SCUBE1: variants seen among roughly 807,000 people sequenced by gnomAD.
SCUBE1 encodes the protein signal peptide, CUB domain and EGF like domain containing 1.
SCUBE1 carries 59 observed loss-of-function variants against 124.4 expected under a neutral mutation model. That is an observed-to-expected ratio of 0.47 (90% CI 0.38 to 0.59). The LOEUF (loss-of-function observed/expected upper bound fraction) is 0.59. SCUBE1 is among the 20% of genes least tolerant of loss of function. The probability of loss-of-function intolerance (pLI) is 0.00; values close to 1 mark genes in which losing one functional copy is unlikely to be tolerated. For missense variants in SCUBE1, 1,150 were observed against 1,371.2 expected (o/e 0.84, Z 2.55); for synonymous variants, 545 against 550.9 (o/e 0.99, Z 0.15).
intron 21 of SCUBE1, among the ~76,000 whole-genome samples, chr22:43,205,700 C>CCA (rs71879601): frequency 0.013 from 1,299 of 99,790 alleles, 60 homozygotes; most frequent in South Asian, 0.022. Context: ...CCCACACACA[C>CCA]CACCCACTCA....
intron 11 of SCUBE1, 73 bp downstream of exon 11, chr22:43,223,024 G>A: frequency 3.4e-6 from 5 of 1,484,992 alleles, no homozygotes; most frequent in Non-Finnish European, 4.5e-6. Flanking sequence ...AGGACAGCTG[G>A]GAGCAATGGT....
At chr22:43,242,749 C>A (rs1170843866) in intron 6 of SCUBE1, among the ~76,000 whole-genome samples, 1 of 152,202 alleles carries the variant, frequency 6.6e-6, no homozygotes, top group African/African-American at 2.4e-5. Context: ...TCTCTCTGTC[C>A]CCAGCCTGTA....
At chr22:43,320,488 C>T (rs990267278) in intron 2 of SCUBE1, among the ~76,000 whole-genome samples, 4 of 152,378 alleles carry the variant, frequency 2.6e-5, no homozygotes, top group Non-Finnish European at 1.5e-5. Flanking sequence ...ATAACAAAGG[C>T]TCCTGTCTCA....
At chr22:43,280,573 C>T (rs925924390) in intron 4 of SCUBE1, among the ~76,000 whole-genome samples, 8 of 150,418 alleles carry the variant, frequency 5.3e-5, no homozygotes, top group African/African-American at 2.0e-4. Flanking sequence ...TCCTGCTGTC[C>T]CTTCCCCCTG....
intron 4 of SCUBE1, among the ~76,000 whole-genome samples, chr22:43,267,468 AAC>A (rs1924117130): frequency 6.6e-6 from 1 of 152,166 alleles, no homozygotes; most frequent in Non-Finnish European, 1.5e-5. Flanking sequence ...GTGTGCTAGA[AAC>A]ACAGCGCTTC....
rs1925632309 is a variant in SCUBE1 at position 43,298,106 on chromosome 22, CGG to C, written c.350-6928_350-6927del. On this transcript the variant is annotated intron_variant, in intron 3 of 21. Coordinates refer to ENST00000360835, the MANE Select transcript of SCUBE1 (RefSeq NM_173050.5). ...GCAGAAAAGCCTCTTGGCTATCTAG[CGG>C]CTCTTGCAAAATTGCATTTGATGAG... Among the ~76,000 whole-genome samples the C allele has an allele frequency of 3.3e-5, 5 of 152,236 alleles. No individual in the cohort carries two copies. In the South Asian group the frequency reaches 8.3e-4, roughly 25 times the overall value.
chr22:43,305,331 G>A (rs1333844724), intron 3 of SCUBE1, among the ~76,000 whole-genome samples: 3 of 152,180 alleles, frequency 2.0e-5, no homozygotes, highest in Admixed American at 6.5e-5. Context: ...ATTATTGCAC[G>A]TGTGGCTGAT....
chr22:43,247,525 T>C (rs1923264178), intron 6 of SCUBE1, among the ~76,000 whole-genome samples: 1 of 152,244 alleles, frequency 6.6e-6, no homozygotes, highest in South Asian at 2.1e-4. Flanking sequence ...ACCACCCACC[T>C]TCCTTGGGTC....
At chr22:43,220,719 A>T in intron 13 of SCUBE1, 132 bp from the exon 14 acceptor site, 1 of 1,214,232 alleles carries the variant, frequency 8.2e-7, no homozygotes, top group Admixed American at 2.5e-5. Context: ...CTCAGGCTAG[A>T]GAAGGTCAGG....
intron 3 of SCUBE1, among the ~76,000 whole-genome samples, chr22:43,295,954 G>A (rs1348951788): frequency 6.6e-6 from 1 of 152,142 alleles, no homozygotes; most frequent in South Asian, 2.1e-4. Context: ...AGGAGGCGGA[G>A]GTGTTCTGAA....
chr22:43,336,539 C>T (rs1927087100), intron 2 of SCUBE1, among the ~76,000 whole-genome samples: 1 of 152,338 alleles, frequency 6.6e-6, no homozygotes, highest in Middle Eastern at 3.4e-3. Context: ...GAGGAGCTCA[C>T]TGGGAGCTCC....
chr22:43,306,777 G>A (rs1925984511), intron 3 of SCUBE1, among the ~76,000 whole-genome samples: 1 of 152,194 alleles, frequency 6.6e-6, no homozygotes, highest in African/African-American at 2.4e-5. Flanking sequence ...TAGGAAGGGA[G>A]TGGGAGTCAA....
chr22:43,286,443 A>G (rs2146746283), intron 4 of SCUBE1, among the ~76,000 whole-genome samples: 1 of 152,384 alleles, frequency 6.6e-6, no homozygotes, highest in South Asian at 2.1e-4. Context: ...ATGAGGCTTC[A>G]GAGCAGAGCC....
At chr22:43,207,337 C>A (rs1194858316) in intron 21 of SCUBE1, among the ~76,000 whole-genome samples, 197 bp downstream of exon 21, 1 of 152,184 alleles carries the variant, frequency 6.6e-6, no homozygotes, top group African/African-American at 2.4e-5. Flanking sequence ...CTCAGGCCTC[C>A]TGGTCTGGAG....
chr22:43,262,585 A>C, intron 5 of SCUBE1, 135 bp downstream of exon 5: 2 of 1,025,060 alleles, frequency 2.0e-6, no homozygotes, highest in East Asian at 4.9e-5. Flanking sequence ...CCCCTTCCAC[A>C]GGCCCTGCCC....
intron 2 of SCUBE1, among the ~76,000 whole-genome samples, chr22:43,336,398 A>T (rs1927081255): frequency 6.6e-6 from 1 of 152,184 alleles, no homozygotes; most frequent in South Asian, 2.1e-4. Context: ...CAGGTTGCTC[A>T]TCTAATGTGA....
intron 2 of SCUBE1, among the ~76,000 whole-genome samples, chr22:43,334,042 C>A (rs866910664): frequency 6.6e-6 from 1 of 152,214 alleles, no homozygotes; most frequent in Non-Finnish European, 1.5e-5. Flanking sequence ...TCAGTGAGAT[C>A]TGCAGGACAG....
At position 43,339,089 on chromosome 22, in the gene SCUBE1, C is replaced by T. The variant is rs1397413279; in HGVS notation, c.220+15G>A. On this transcript the variant is annotated intron_variant, in intron 2 of 21. Transcript: ENST00000360835. ...CAGCCTCAGGGTCTGCCCGGGAGGG[C>T]CGGGCTGGACTCACCTTCACACTGC... 5 of 1,612,892 alleles carry T rather than the reference C, an allele frequency of 3.1e-6. No homozygotes were observed. The Admixed American group carries it at 5.0e-5, about 16-fold the overall frequency.
intron 2 of SCUBE1, among the ~76,000 whole-genome samples, chr22:43,329,221 C>T (rs917594385): frequency 6.6e-6 from 1 of 152,278 alleles, no homozygotes; most frequent in African/African-American, 2.4e-5. Flanking sequence ...TCTCGTGCTC[C>T]TGCCTACAGA....
Sources: allele counts gnomAD v4.1 joint callset (sites outside exome capture counted in the v4.1 genomes callset), GRCh38; gene constraint gnomAD v4.1.1; transcripts MANE v1.5; gene names NCBI Gene and HGNC (gene_info 2026-07-23, HGNC 2026-07-21).